The following JMJD1C variants were observed in gnomAD, a reference collection of about 807,000 sequenced individuals.
The protein encoded by JMJD1C is jumonji domain-containing protein 1C.
A neutral mutation model predicts 245.3 loss-of-function variants in JMJD1C; 31 were observed. That is an observed-to-expected ratio of 0.13 (90% CI 0.09 to 0.17). The LOEUF is 0.17. JMJD1C is among the 10% of genes least tolerant of loss of function. JMJD1C has a pLI of 1.00. For synonymous variants in JMJD1C, 1,057 were observed against 1,017.4 expected (o/e 1.04, Z -0.74); for missense variants, 2,691 against 3,000.2 (o/e 0.90, Z 2.41).
chr10:63,293,238 C>A (rs915885979), intron 2 of JMJD1C, among the ~76,000 whole-genome samples: 7 of 152,134 alleles, frequency 4.6e-5, no homozygotes, highest in Non-Finnish European at 7.4e-5. Flanking sequence ...TGCCACCAAA[C>A]CTTAACTGAA....
At chr10:63,466,082 A>AAAGTAGTGCCCGGCCCTGCCGC (rs1202915972), upstream of JMJD1C, 9 of 203,506 alleles carry the variant, frequency 4.4e-5, no homozygotes, top group African/African-American at 1.9e-4. Context: ...CCGCAGACGG[A>AAAGTAGTGCCCGGCCCTGCCGC]AAGTAGTGCC....
At chr10:63,466,523 G>C (rs1288180119), upstream of JMJD1C, 2 of 152,186 alleles carry the variant, frequency 1.3e-5, no homozygotes, top group East Asian at 3.8e-4. Context: ...TCTCATTTGT[G>C]GTGATACTAA....
At chr10:63,241,352 G>C (rs925388827) in intron 3 of JMJD1C, among the ~76,000 whole-genome samples, 3 of 152,188 alleles carry the variant, frequency 2.0e-5, no homozygotes, top group Admixed American at 2.0e-4. Flanking sequence ...AAGACGAGCA[G>C]TAAAGTGAAA....
rs141061153 is a variant in JMJD1C at position 63,353,787 on chromosome 10, T to C, written c.333+26531A>G. Among the ~76,000 whole-genome samples, 834 of 152,104 alleles carry C rather than the reference T, an allele frequency of 5.5e-3. 6 individuals are homozygous for C. The highest frequency in any genetic ancestry group is 8.0e-3 in the Non-Finnish European group (544 of 67,976). ...CTCCCAAGCGCTGGGATTACAGGTGTGAGCCACCATGCTTGGCCAAGGGAA... is the reference window on the plus strand; with the variant it reads ...CTCCCAAGCGCTGGGATTACAGGTGCGAGCCACCATGCTTGGCCAAGGGAA... On this transcript the variant is annotated intron_variant, in intron 2 of 25. Coordinates refer to ENST00000399262, the MANE Select transcript of JMJD1C (RefSeq NM_032776.3).
Position 63,205,835 on chromosome 10 carries a change from A to G in JMJD1C, c.5074+760T>C, listed in dbSNP as rs186933891. Among the ~76,000 whole-genome samples the G allele has an allele frequency of 2.4e-3, 365 of 152,128 alleles. 3 individuals are homozygous for G. The South Asian group carries it at 0.029, about 12-fold the overall frequency. ...ATATACATTCCATCATTTTTTGTTT[A>G]TTTTTTGAGACATGGTCTTGCTCTG... is the stretch of plus-strand genomic sequence containing the variant. On this transcript the variant is annotated intron_variant, in intron 10 of 25. Transcript: ENST00000399262.
intron 2 of JMJD1C, among the ~76,000 whole-genome samples, chr10:63,305,398 G>C (rs1937940844): frequency 6.8e-6 from 1 of 147,976 alleles, no homozygotes; most frequent in Non-Finnish European, 1.5e-5. Flanking sequence ...AAAGGTTGCA[G>C]TGAGCTCTAA....
In JMJD1C at chr10:63,214,345, C is replaced by G. The variant is rs1212050369; in HGVS notation, c.1822G>C (p.Val608Leu). 1.2e-6 allele frequency: 2 copies of G among 1,613,904 alleles called. No individual in the cohort carries two copies. ...CGCTTATGCAGCTTATCTTCCATGA[C>G]AGAAACTGCACTTAAAGGAGAAATG... ...SYISPLSAVS[V>L]MEDKLHKRSP... Residue 608 changes from valine (V) to leucine (L), a missense_variant, in exon 8 of 26, where the codon GTC becomes CTC. By Grantham distance (32) the Val-to-Leu change is conservative (BLOSUM62 1). Coordinates refer to ENST00000399262, the MANE Select transcript of JMJD1C (RefSeq NM_032776.3).
At chr10:63,350,693 T>A (rs554508064) in intron 2 of JMJD1C, among the ~76,000 whole-genome samples, 1 of 151,518 alleles carries the variant, frequency 6.6e-6, no homozygotes, top group East Asian at 1.9e-4. Context: ...CTCAGCTCAC[T>A]GCAAGCTCTG....
intron 2 of JMJD1C, among the ~76,000 whole-genome samples, chr10:63,311,752 C>A (rs1939228829): frequency 6.6e-6 from 1 of 151,966 alleles, no homozygotes; most frequent in Non-Finnish European, 1.5e-5. Context: ...GAGTAAGAAA[C>A]AACAAATTTA....
At chr10:63,400,612 G>C (rs1353870743) in intron 1 of JMJD1C, among the ~76,000 whole-genome samples, 1 of 151,732 alleles carries the variant, frequency 6.6e-6, no homozygotes, top group Non-Finnish European at 1.5e-5. Flanking sequence ...GCTCAAACTG[G>C]AGTGCCATGG....
chr10:63,345,488 CA>C (rs34551660), intron 2 of JMJD1C, among the ~76,000 whole-genome samples: 44,173 of 100,054 alleles, frequency 0.44, 5,296 homozygotes, highest in East Asian at 0.57. Flanking sequence ...GACTTTGTCT[CA>C]AAAAAAAAAA....
chr10:63,168,903 T>G (rs976026691), intron 24 of JMJD1C, among the ~76,000 whole-genome samples: 14 of 152,208 alleles, frequency 9.2e-5, no homozygotes, highest in Non-Finnish European at 4.4e-5. Flanking sequence ...AAAAACTAAC[T>G]TGAAAGAATT....
At chr10:63,380,958 C>T (rs1333707784) in intron 1 of JMJD1C, among the ~76,000 whole-genome samples, 1 of 152,176 alleles carries the variant, frequency 6.6e-6, no homozygotes, top group African/African-American at 2.4e-5. Flanking sequence ...GAAGAGACAG[C>T]TGCACATCAG....
chr10:63,442,186 G>A (rs1951430179), intron 1 of JMJD1C, among the ~76,000 whole-genome samples: 1 of 152,134 alleles, frequency 6.6e-6, no homozygotes, highest in African/African-American at 2.4e-5. Flanking sequence ...CCATTACAGG[G>A]TAAAGAGTAT....
intron 22 of JMJD1C, among the ~76,000 whole-genome samples, chr10:63,179,758 G>A (rs1843248245): frequency 1.4e-5 from 2 of 148,106 alleles, no homozygotes. Flanking sequence ...GGGCAACAGA[G>A]CAAGGAGACC....
Position 63,231,648 on chromosome 10 carries a change from G to T in JMJD1C, c.448-11665C>A, listed in dbSNP as rs78706619. ...GTCTCTACTAAAAACACATAAATTA[G>T]TTGAACATGGTGGCACACACCTGTA... On this transcript the variant is annotated intron_variant, in intron 3 of 25. Coordinates refer to ENST00000399262, the MANE Select transcript of JMJD1C (RefSeq NM_032776.3). Among the ~76,000 whole-genome samples the T allele has an allele frequency of 9.2e-3, 1,403 of 152,164 alleles. 18 individuals carry two copies. Among genetic ancestry groups the T allele is most frequent in the African/African-American group, 0.031 (1,285 of 41,520 alleles).
intron 3 of JMJD1C, among the ~76,000 whole-genome samples, chr10:63,262,424 A>G (rs1854896041): frequency 6.6e-6 from 1 of 152,204 alleles, no homozygotes; most frequent in South Asian, 2.1e-4. Context: ...ACATGGGAGA[A>G]AATATTTTTA....
intron 2 of JMJD1C, among the ~76,000 whole-genome samples, chr10:63,316,824 T>C (rs1402026984): frequency 6.6e-6 from 1 of 152,136 alleles, no homozygotes; most frequent in Non-Finnish European, 1.5e-5. Flanking sequence ...TTAAGGTATT[T>C]AGAGTATCCA....
intron 10 of JMJD1C, chr10:63,203,869 T>A (rs1046171613): frequency 1.0e-6 from 1 of 982,604 alleles, no homozygotes; most frequent in Non-Finnish European, 1.2e-6. Context: ...TTCTTTTTGA[T>A]TGACCATGAC....
Sources: allele counts gnomAD v4.1 joint callset (sites outside exome capture counted in the v4.1 genomes callset), GRCh38; gene constraint gnomAD v4.1.1; transcripts MANE v1.5; gene names NCBI Gene and HGNC (gene_info 2026-07-23, HGNC 2026-07-21).